Variants in NUP42 observed in about 807,000 individuals in gnomAD.
NUP42 encodes nucleoporin NUP42.
In NUP42, 47 loss-of-function variants were observed where a neutral mutation model predicts 35.9. That is an observed-to-expected ratio of 1.31 (90% confidence interval 1.04 to 1.67). NUP42 has a LOEUF of 1.67. NUP42 is among the 40% of genes most tolerant of loss of function. NUP42 has a pLI of 0.00. For synonymous variants in NUP42, 173 were observed against 173.3 expected (o/e 1.00, Z 0.01); for missense variants, 514 against 492.2 (o/e 1.04, Z -0.42).
intron 3 of NUP42, among the ~76,000 whole-genome samples, chr7:23,192,804 A>G (rs1785847728): frequency 1.3e-5 from 2 of 152,050 alleles, no homozygotes; most frequent in Admixed American, 6.5e-5. Context: ...GCAAGGGTCC[A>G]CTTGTACAGG....
intron 1 of NUP42, among the ~76,000 whole-genome samples, chr7:23,184,581 T>C (rs553694234): frequency 1.3e-5 from 2 of 152,222 alleles, no homozygotes; most frequent in Non-Finnish European, 2.9e-5. Flanking sequence ...TTTGTTGATA[T>C]TACAACCTAA....
Position 23,182,124 on chromosome 7 carries a change from C to T in NUP42, c.39C>T (p.Arg13=), listed in dbSNP as rs775237329. 1.2e-6 allele frequency: 2 copies of T among 1,614,218 alleles called. No individual in the cohort carries two copies. Among genetic ancestry groups the T allele is most frequent in the South Asian group, 1.1e-5 (1 of 91,088 alleles). The change falls in exon 1 of 7, where the codon CGC becomes CGT. Residue 13 remains arginine (R), a synonymous_variant. Transcript: ENST00000258742. ...AATTCTTCCTTCAAGGCCGGTGCCG[C>T]TTTGGAGATCGGTGCTGGAACGAAC... The part of the protein sequence containing the change: ...ICQFFLQGRC[R]FGDRCWNEHP...
At chr7:23,182,992 C>T (rs943873258) in intron 1 of NUP42, among the ~76,000 whole-genome samples, 4 of 151,892 alleles carry the variant, frequency 2.6e-5, no homozygotes. Context: ...TGCACCTGCT[C>T]ATAAATTTGG....
chr7:23,187,820 A>C (rs1785647476), intron 3 of NUP42, among the ~76,000 whole-genome samples: 1 of 151,022 alleles, frequency 6.6e-6, no homozygotes, highest in South Asian at 2.1e-4. Flanking sequence ...TGGCCAGTCT[A>C]GTCTAGAACT....
Position 23,199,554 on chromosome 7 carries a change from A to C in NUP42, c.694+12A>C, listed in dbSNP as rs1394766685. On this transcript the variant is annotated intron_variant, in intron 6 of 6. Transcript: ENST00000258742. ...ATTTATGTCGCCAGGTAAGTGATAA[A>C]GTAATGCAGGACTTCACTGATTTAG... 1.2e-6 allele frequency: 2 copies of C among 1,603,446 alleles called. No homozygotes were observed. The highest frequency in any genetic ancestry group is 1.7e-6 in the Non-Finnish European group (2 of 1,170,620).
intron 3 of NUP42, chr7:23,187,932 C>CTG: frequency 2.5e-6 from 1 of 406,604 alleles, no homozygotes; most frequent in Admixed American, 4.3e-5. Context: ...TTAGAATATT[C>CTG]TCTGTCTCTC....
In NUP42 at chr7:23,200,496, T is replaced by C. The variant is rs1458264728; in HGVS notation, c.1023T>C (p.Ser341=). The C allele has an allele frequency of 3.7e-6, 6 of 1,614,110 alleles. No individual in the cohort carries two copies. The South Asian group carries it at 6.6e-5, about 18-fold the overall frequency. ...PVAPAFGGGS[S]VAGFGSPGSH... ...CCCCAGCCTTTGGAGGTGGCAGTTCTGTGGCTGGTTTTGGTAGTCCGGGCT... is the reference window on the plus strand; with the variant it reads ...CCCCAGCCTTTGGAGGTGGCAGTTCCGTGGCTGGTTTTGGTAGTCCGGGCT... The change falls in exon 7 of 7, where the codon TCT becomes TCC. Residue 341 remains serine, a synonymous_variant. Transcript: ENST00000258742.
chr7:23,186,027 A>T (rs1323063268), intron 2 of NUP42, among the ~76,000 whole-genome samples: 1 of 152,268 alleles, frequency 6.6e-6, no homozygotes, highest in Non-Finnish European at 1.5e-5. Flanking sequence ...GGCATAAGCC[A>T]CCATACCCAG....
At chr7:23,194,340 TTTTC>T (rs947981550) in intron 3 of NUP42, 1 of 155,732 alleles carries the variant, frequency 6.4e-6, no homozygotes, top group African/African-American at 2.4e-5. Flanking sequence ...ATAATCTAGT[TTTTC>T]TTTGTTTTTT....
In NUP42 at chr7:23,185,140, C is replaced by T. The variant is rs368527040; in HGVS notation, c.192C>T (p.Ser64=). ...ATGTCATCCAGCCATCCAGTTTCTC[C>T]AAATCCACACCATGGGGGGGCAGCA... The part of the protein sequence containing the change: ...YSNVIQPSSF[S]KSTPWGGSRD... The change falls in exon 2 of 7, where the codon TCC becomes TCT. Residue 64 remains serine (S), a synonymous_variant. Coordinates refer to ENST00000258742, the MANE Select transcript of NUP42 (RefSeq NM_007342.3). 1.2e-6 allele frequency: 2 copies of T among 1,614,026 alleles called. No individual in the cohort carries two copies. Among genetic ancestry groups the T allele is most frequent in the African/African-American group, 1.3e-5 (1 of 74,898 alleles).
chr7:23,186,608 T>G (rs1785604530), intron 2 of NUP42, among the ~76,000 whole-genome samples: 1 of 152,244 alleles, frequency 6.6e-6, no homozygotes, highest in South Asian at 2.1e-4. Context: ...TGGTACTTTG[T>G]TCTTCCCAGT....
rs373233862 is a variant in NUP42, at chr7:23,200,331, A to C, written c.858A>C (p.Pro286=). The C allele has an allele frequency of 1.2e-6, 2 of 1,609,086 alleles. No individual in the cohort carries two copies. Among genetic ancestry groups the C allele is most frequent in the Non-Finnish European group, 1.7e-6 (2 of 1,177,176 alleles). Residue 286 remains proline (P), a synonymous_variant, in exon 7 of 7, where the codon CCA becomes CCC. Transcript: ENST00000258742. Reference sequence around the variant, plus strand: ...GTTCAGGTATCTCTACTTCTGCTCCAGCTTTTGGATTTGGGAAGCCTGAAG... The same window carrying C: ...GTTCAGGTATCTCTACTTCTGCTCCCGCTTTTGGATTTGGGAAGCCTGAAG... ...STSSGISTSA[P]AFGFGKPEVT...
At chr7:23,189,137 C>A (rs1369954110) in intron 3 of NUP42, among the ~76,000 whole-genome samples, 1 of 152,026 alleles carries the variant, frequency 6.6e-6, no homozygotes, top group Non-Finnish European at 1.5e-5. Flanking sequence ...TTTTCAAAGA[C>A]AATATTTATT....
chr7:23,186,442 C>G (rs1188219559), intron 2 of NUP42, among the ~76,000 whole-genome samples: 2 of 152,046 alleles, frequency 1.3e-5, no homozygotes, highest in African/African-American at 4.8e-5. Flanking sequence ...TAGGGAGAAA[C>G]TTTAATTTAG....
rs896684562 is a variant in NUP42, at chr7:23,200,669, A to G, written c.1196A>G (p.Glu399Gly). The change falls in exon 7 of 7, where the codon GAA becomes GGA. Residue 399 changes from glutamate to glycine, a missense_variant. Coordinates refer to ENST00000258742, the MANE Select transcript of NUP42 (RefSeq NM_007342.3). ...PRDKLTVEEL[E>G]QFQSKKFTLG... is the part of the protein sequence containing the mutation. ...GATAAACTAACAGTAGAAGAACTGG[A>G]ACAATTTCAATCCAAGAAATTTACT... 6.8e-6 allele frequency: 11 copies of G among 1,612,760 alleles called. No individual in the cohort carries two copies. The highest frequency in any genetic ancestry group is 9.3e-6 in the Non-Finnish European group (11 of 1,179,608).
At chr7:23,199,420 A>C (rs1035611145) in intron 5 of NUP42, 38 bp from the exon 6 acceptor site, 2 of 1,518,028 alleles carry the variant, frequency 1.3e-6, no homozygotes, top group Non-Finnish European at 1.8e-6. Context: ...AGCACTATTC[A>C]TCAAGCACTT....
chr7:23,187,929 A>T, intron 3 of NUP42: 36 of 305,382 alleles, frequency 1.2e-4, no homozygotes, highest in Non-Finnish European at 1.8e-4. Context: ...GCTTTAGAAT[A>T]TTCTCTGTCT....
At chr7:23,190,082 A>G (rs1052042220) in intron 3 of NUP42, among the ~76,000 whole-genome samples, 1 of 152,250 alleles carries the variant, frequency 6.6e-6, no homozygotes, top group African/African-American at 2.4e-5. Flanking sequence ...GAATGTTAAT[A>G]TAATGCCACA....
Position 23,200,078 on chromosome 7 carries a change from GA to G in NUP42, c.695-83del, listed in dbSNP as rs1169281933. 7 of 956,250 alleles carry G rather than the reference GA, an allele frequency of 7.3e-6. No homozygotes were observed. In the African/African-American group the frequency reaches 8.4e-5, roughly 11 times the overall value. The allele number at this position is 956,250 out of a possible 1,614,324, so 59.2% of individuals were successfully genotyped here. A position where few individuals can be genotyped will look rare whatever the true frequency, so the allele number is the denominator to read the frequency against. On this transcript the variant is annotated intron_variant, in intron 6 of 6. Coordinates refer to ENST00000258742, the MANE Select transcript of NUP42 (RefSeq NM_007342.3). The stretch of plus-strand genomic sequence containing the variant: ...CAACACTGAAACATGACATAAATAA[GA>G]AAAAAAGATAGGGGGAGGAAATAAT...
Sources: gnomAD v4.1 joint callset for allele counts (sites outside exome capture counted in the v4.1 genomes callset) on GRCh38, gnomAD v4.1.1 for gene constraint, MANE v1.5 for transcripts, NCBI Gene and HGNC (gene_info 2026-07-23, HGNC 2026-07-21) for gene names.